The following NHLRC2 variants were observed in gnomAD, a reference collection of about 807,000 sequenced individuals.
The protein encoded by NHLRC2 is NHL repeat-containing protein 2.
Under a neutral mutation model 68.1 loss-of-function variants are expected in NHLRC2, and 33 were observed. The observed-to-expected ratio is 0.48, with a 90% confidence interval of 0.37 to 0.65. The LOEUF is 0.65. Ranked by LOEUF, NHLRC2 falls within the 30% of genes least tolerant of loss-of-function variation. The pLI is 0.00. For synonymous variants in NHLRC2, 311 were observed against 309.6 expected (o/e 1.00, Z -0.05); for missense variants, 761 against 853.8 (o/e 0.89, Z 1.35).
rs1003442050 is a variant in NHLRC2, at chr10:113,909,851, A to C, written c.*1315A>C. Reference sequence around the variant, plus strand: ...AGTAAATATTTATAGACAATATGGCATAATATGCTTCCCTTCCCTGTAAAA... The same window carrying C: ...AGTAAATATTTATAGACAATATGGCCTAATATGCTTCCCTTCCCTGTAAAA... On this transcript the variant is annotated 3_prime_UTR_variant, in exon 11 of 11. Coordinates refer to ENST00000369301, the MANE Select transcript of NHLRC2 (RefSeq NM_198514.4). 1 of 152,200 alleles carries C rather than the reference A, an allele frequency of 6.6e-6. No homozygotes were observed. The highest frequency in any genetic ancestry group is 1.5e-5 in the Non-Finnish European group (1 of 68,020). The allele number at this position is 152,200 out of a possible 1,614,324, so 9.4% of individuals were successfully genotyped here.
rs538258659 is a variant in NHLRC2, at chr10:113,883,200, C to G, written c.910-1051C>G. On this transcript the variant is annotated intron_variant, in intron 4 of 10. Coordinates refer to ENST00000369301, the MANE Select transcript of NHLRC2 (RefSeq NM_198514.4). ...CCAGCTTGTCCATTTCTGCCAAAATCTTTTGATTGTTTCTTATGTAAACAT... is the reference window on the plus strand; with the variant it reads ...CCAGCTTGTCCATTTCTGCCAAAATGTTTTGATTGTTTCTTATGTAAACAT... Among the ~76,000 whole-genome samples, 43 of 151,956 alleles carry G rather than the reference C, an allele frequency of 2.8e-4. No individual in the cohort carries two copies. In the South Asian group the frequency reaches 8.5e-3, roughly 30 times the overall value.
chr10:113,874,990 GAA>G (rs1329373754), intron 2 of NHLRC2, among the ~76,000 whole-genome samples: 7 of 151,344 alleles, frequency 4.6e-5, no homozygotes, highest in Non-Finnish European at 2.9e-5. Context: ...CTAGTTGCTT[GAA>G]AGTCTTTGGT....
At chr10:113,864,078 A>C (rs1845840991) in intron 2 of NHLRC2, among the ~76,000 whole-genome samples, 1 of 152,232 alleles carries the variant, frequency 6.6e-6, no homozygotes, top group South Asian at 2.1e-4. Context: ...AACATGGATG[A>C]ACTTTGAGGA....
rs773683433 is a variant in NHLRC2 at position 113,909,703 on chromosome 10, T to G, written c.*1167T>G. 4 of 152,148 alleles carry G rather than the reference T, an allele frequency of 2.6e-5. No homozygotes were observed. The highest frequency in any genetic ancestry group is 7.2e-5 in the African/African-American group (3 of 41,452). The allele number at this position is 152,148 out of a possible 1,614,324, so 9.4% of individuals were successfully genotyped here. Reference sequence around the variant, plus strand: ...AGATATTGGAAAGGTTTTTTTTCTATTGTCATAATTTATAACTACTTAAAA... The same window carrying G: ...AGATATTGGAAAGGTTTTTTTTCTAGTGTCATAATTTATAACTACTTAAAA... On this transcript the variant is annotated 3_prime_UTR_variant, in exon 11 of 11. Coordinates refer to ENST00000369301, the MANE Select transcript of NHLRC2 (RefSeq NM_198514.4).
intron 2 of NHLRC2, among the ~76,000 whole-genome samples, chr10:113,871,644 A>G (rs956439803): frequency 1.3e-5 from 2 of 152,206 alleles, no homozygotes; most frequent in African/African-American, 4.8e-5. Flanking sequence ...ATCAACTAAC[A>G]AAGTATGAAA....
intron 2 of NHLRC2, among the ~76,000 whole-genome samples, chr10:113,869,050 A>T (rs1007280758): frequency 1.1e-4 from 17 of 152,226 alleles, no homozygotes; most frequent in African/African-American, 3.6e-4. Flanking sequence ...ACAAGGTGAC[A>T]TGATCAGATT....
At chr10:113,863,500 T>C (rs369677248) in intron 2 of NHLRC2, among the ~76,000 whole-genome samples, 2 of 152,230 alleles carry the variant, frequency 1.3e-5, no homozygotes, top group African/African-American at 2.4e-5. Context: ...TAAATGCTTA[T>C]ATTAAAAAAC....
chr10:113,903,116 C>T (rs556468854), intron 8 of NHLRC2, among the ~76,000 whole-genome samples: 2 of 152,210 alleles, frequency 1.3e-5, no homozygotes, highest in South Asian at 2.1e-4. Flanking sequence ...TGAGACATAA[C>T]TGTCAATCAT....
Position 113,902,438 on chromosome 10 carries a change from C to T in NHLRC2, c.1372-33C>T, listed in dbSNP as rs1343101099. 2.2e-6 allele frequency: 3 copies of T among 1,373,220 alleles called. No homozygotes were observed. The East Asian group carries it at 7.0e-5, about 32-fold the overall frequency. 85.1% of individuals were successfully genotyped at this position (1,373,220 alleles called of 1,614,324 possible). A position where few individuals can be genotyped will look rare whatever the true frequency, so the allele number is the denominator to read the frequency against. On this transcript the variant is annotated intron_variant, in intron 7 of 10. Transcript: ENST00000369301. ...CAAAACACTGTAAAAATTATAATAA[C>T]TGCTGTTTCTTTTCTTTTAAAAAAA...
chr10:113,884,334 A>G lies in NHLRC2; in HGVS notation c.993A>G (p.Glu331=), dbSNP rs1159049927. 2.5e-6 allele frequency: 4 copies of G among 1,610,886 alleles called. No individual in the cohort carries two copies. The Admixed American group carries it at 6.7e-5, about 27-fold the overall frequency. ...GTDKEGGAKG[E]QQPISSPWDV... ...ATAAAGAAGGTGGAGCAAAAGGAGA[A>G]CAACAACCCATTAGTTCCCCTTGGG... is the stretch of plus-strand genomic sequence containing the variant. The change falls in exon 5 of 11, where the codon GAA becomes GAG. Residue 331 remains glutamate, a synonymous_variant. Coordinates refer to ENST00000369301, the MANE Select transcript of NHLRC2 (RefSeq NM_198514.4).
intron 5 of NHLRC2, among the ~76,000 whole-genome samples, chr10:113,896,943 G>A (rs1478443470): frequency 6.6e-6 from 1 of 150,398 alleles, no homozygotes. Flanking sequence ...GCAGTGAGCC[G>A]AGATTGCTCC....
chr10:113,870,651 C>T (rs1257803615), intron 2 of NHLRC2, among the ~76,000 whole-genome samples: 2 of 152,130 alleles, frequency 1.3e-5, no homozygotes, highest in African/African-American at 4.8e-5. Flanking sequence ...GGATAAATTC[C>T]TAAAAGTGGC....
chr10:113,877,070 T>G, intron 3 of NHLRC2, 94 bp downstream of exon 3: 1 of 755,820 alleles, frequency 1.3e-6, no homozygotes, highest in Non-Finnish European at 2.0e-6. Flanking sequence ...AAATGAAAAC[T>G]AATTATAGAA....
intron 1 of NHLRC2, among the ~76,000 whole-genome samples, chr10:113,858,251 C>T (rs1415798113): frequency 6.6e-6 from 1 of 151,760 alleles, no homozygotes; most frequent in Non-Finnish European, 1.5e-5. Context: ...CTTTTAATCT[C>T]TGCTAATTTG....
chr10:113,902,469 A>G lies in NHLRC2; in HGVS notation c.1372-2A>G. Reference sequence around the variant, plus strand: ...TTTCTTTTCTTTTAAAAAAAATTAAAGAATTTATTTGCTTTTGGTGATGTT... The same window carrying G: ...TTTCTTTTCTTTTAAAAAAAATTAAGGAATTTATTTGCTTTTGGTGATGTT... On this transcript the variant is annotated splice_acceptor_variant, in intron 7 of 10. Coordinates refer to ENST00000369301, the MANE Select transcript of NHLRC2 (RefSeq NM_198514.4). LOFTEE classifies it high-confidence loss of function. 1 of 1,548,094 alleles carries G rather than the reference A, an allele frequency of 6.5e-7. No homozygotes were observed. The highest frequency in any genetic ancestry group is 8.7e-7 in the Non-Finnish European group (1 of 1,148,024).
In NHLRC2 at chr10:113,868,051, C is replaced by T. The variant is rs568960048; in HGVS notation, c.332-8470C>T. Among the ~76,000 whole-genome samples, 39 of 152,204 alleles carry T rather than the reference C, an allele frequency of 2.6e-4. No individual in the cohort carries two copies. In the South Asian group the frequency reaches 7.5e-3, roughly 29 times the overall value. On this transcript the variant is annotated intron_variant, in intron 2 of 10. Coordinates refer to ENST00000369301, the MANE Select transcript of NHLRC2 (RefSeq NM_198514.4). ...TTGCCTGGGCTGGATTTCACTGGTG[C>T]GATCACAGCTCACGGCAGCCACGAC...
At chr10:113,871,508 G>T (rs1845925030) in intron 2 of NHLRC2, among the ~76,000 whole-genome samples, 1 of 152,126 alleles carries the variant, frequency 6.6e-6, no homozygotes, top group South Asian at 2.1e-4. Context: ...AGAGATGGTA[G>T]GCATTTTTTT....
rs892033894 is a variant in NHLRC2 at position 113,902,724 on chromosome 10, C to T, written c.1494+131C>T. 1.4e-5 allele frequency: 11 copies of T among 776,344 alleles called. No individual in the cohort carries two copies. In the Admixed American group the frequency reaches 2.5e-4, roughly 18 times the overall value. The allele number at this position is 776,344 out of a possible 1,614,324, so 48.1% of individuals were successfully genotyped here. Reference sequence around the variant, plus strand: ...GAGTAACAGTCTTTGACAACTATAACCCAGCCTGTTCTGCTCTTTTCTTGG... The same window carrying T: ...GAGTAACAGTCTTTGACAACTATAATCCAGCCTGTTCTGCTCTTTTCTTGG... On this transcript the variant is annotated intron_variant, in intron 8 of 10. Transcript: ENST00000369301.
intron 4 of NHLRC2, among the ~76,000 whole-genome samples, chr10:113,880,917 C>G (rs1280667961): frequency 6.6e-6 from 1 of 151,828 alleles, no homozygotes; most frequent in African/African-American, 2.4e-5. Flanking sequence ...GTCTTGCAGA[C>G]TTTCTTCCAG....
Sources: gnomAD v4.1 joint callset for allele counts (sites outside exome capture counted in the v4.1 genomes callset) on GRCh38, gnomAD v4.1.1 for gene constraint, MANE v1.5 for transcripts, NCBI Gene and HGNC (gene_info 2026-07-23, HGNC 2026-07-21) for gene names.